The following PDS5B variants were observed in gnomAD, a reference collection of about 807,000 sequenced individuals.
The protein encoded by PDS5B is PDS5 cohesin associated factor B, also known as sister chromatid cohesion protein PDS5 homolog B.
PDS5B carries 51 observed loss-of-function variants against 184.1 expected under a neutral mutation model. That is an observed-to-expected ratio of 0.28 (90% CI 0.22 to 0.35). The LOEUF (loss-of-function observed/expected upper bound fraction) is 0.35, where lower values mean the gene tolerates loss of function less well. PDS5B is among the 10% of genes least tolerant of loss of function. PDS5B has a pLI of 1.00. For synonymous variants in PDS5B, 566 were observed against 569.2 expected (o/e 0.99, Z 0.08); for missense variants, 1,180 against 1,723.3 (o/e 0.68, Z 5.58).
chr13:32,766,408 A>G (rs1367941987), intron 31 of PDS5B, among the ~76,000 whole-genome samples: 2 of 152,216 alleles, frequency 1.3e-5, no homozygotes, highest in African/African-American at 4.8e-5. Context: ...GAGACCTATT[A>G]GTATGATTGT....
chr13:32,635,671 G>A (rs1409424983), intron 1 of PDS5B, among the ~76,000 whole-genome samples: 1 of 151,336 alleles, frequency 6.6e-6, no homozygotes, highest in Non-Finnish European at 1.5e-5. Flanking sequence ...CATTGTAGTC[G>A]CCTAATTAAG....
chr13:32,664,691 C>G (rs777319541), intron 6 of PDS5B, among the ~76,000 whole-genome samples: 1 of 151,974 alleles, frequency 6.6e-6, no homozygotes, highest in Non-Finnish European at 1.5e-5. Context: ...TGGCAAAACC[C>G]TGTCTCTAGA....
intron 1 of PDS5B, among the ~76,000 whole-genome samples, chr13:32,587,101 G>C (rs971023207): frequency 6.7e-6 from 1 of 148,508 alleles, no homozygotes. Flanking sequence ...ATCCTCCCGC[G>C]GGCGGGCTTC....
At chr13:32,744,107 A>G (rs546295349) in intron 23 of PDS5B, among the ~76,000 whole-genome samples, 5 of 152,282 alleles carry the variant, frequency 3.3e-5, no homozygotes, top group Non-Finnish European at 5.9e-5. Flanking sequence ...CACAGGTTCA[A>G]ACTGAGGTTC....
intron 1 of PDS5B, among the ~76,000 whole-genome samples, chr13:32,635,617 C>T (rs907688702): frequency 1.3e-5 from 2 of 151,998 alleles, no homozygotes; most frequent in African/African-American, 4.8e-5. Flanking sequence ...GCTGGGATTA[C>T]AGGCGTGAGC....
At chr13:32,699,672 A>G (rs1280728044) in intron 15 of PDS5B, 58 bp from the exon 16 acceptor site, 4 of 925,430 alleles carry the variant, frequency 4.3e-6, no homozygotes, top group South Asian at 2.7e-5. Context: ...ATATTGACCT[A>G]TTATTATTTT....
chr13:32,724,964 A>G (rs577945833), intron 19 of PDS5B, among the ~76,000 whole-genome samples: 3 of 152,126 alleles, frequency 2.0e-5, no homozygotes, highest in Non-Finnish European at 4.4e-5. Context: ...TTACAGGACT[A>G]TTTTATAAGA....
At chr13:32,707,603 G>GT (rs967793383) in intron 18 of PDS5B, among the ~76,000 whole-genome samples, 1,363 of 122,270 alleles carry the variant, frequency 0.011, 26 homozygotes, top group African/African-American at 0.037. Context: ...TTTTTCAAGA[G>GT]TTTTTTTTTT....
chr13:32,742,696 G>A lies in PDS5B; in HGVS notation c.2581G>A (p.Asp861Asn). 1 of 1,612,130 alleles carries A rather than the reference G, an allele frequency of 6.2e-7. No homozygotes were observed. Among genetic ancestry groups the A allele is most frequent in the Non-Finnish European group, 8.5e-7 (1 of 1,178,600 alleles). ...LRLLTTILHS[D>N]GDLTEQGKIS... is the part of the protein sequence containing the mutation. Reference sequence around the variant, plus strand: ...ATTGCTAACAACAATATTGCATAGTGATGGAGACTTGACAGAACAGGGGAA... The same window carrying A: ...ATTGCTAACAACAATATTGCATAGTAATGGAGACTTGACAGAACAGGGGAA... The change falls in exon 23 of 35, where the codon GAT (aspartate) becomes AAT (asparagine). Residue 861 changes from aspartate to asparagine, a missense_variant. By Grantham distance (23) the Asp-to-Asn change is conservative (BLOSUM62 1). This residue lies in a region of PDS5B where 475 missense variants were observed against 691.5 expected (regional missense o/e 0.69). Transcript: ENST00000315596.
At chr13:32,598,591 C>T (rs1450736026) in intron 1 of PDS5B, among the ~76,000 whole-genome samples, 3 of 152,070 alleles carry the variant, frequency 2.0e-5, no homozygotes, top group Admixed American at 2.0e-4. Flanking sequence ...CTGCCTTAGC[C>T]TCCTGGGTAG....
chr13:32,587,541 C>G (rs192173434), intron 1 of PDS5B, among the ~76,000 whole-genome samples: 3 of 152,350 alleles, frequency 2.0e-5, no homozygotes, highest in South Asian at 2.1e-4. Context: ...GACGTGAAAG[C>G]TAACTCTTAA....
Position 32,747,277 on chromosome 13 carries a change from C to T in PDS5B, c.2736+1177C>T, listed in dbSNP as rs544172096. Among the ~76,000 whole-genome samples the T allele has an allele frequency of 5.4e-4, 82 of 152,076 alleles. 1 individual carries two copies. Among genetic ancestry groups the T allele is most frequent in the South Asian group, 3.7e-3 (18 of 4,816 alleles). On this transcript the variant is annotated intron_variant, in intron 24 of 34. Transcript: ENST00000315596. Reference sequence around the variant, plus strand: ...TACACTTAGTTTTTCTCTTCTTTTCCAAGTAGTCTTAAGAATTTACTTCAG... The same window carrying T: ...TACACTTAGTTTTTCTCTTCTTTTCTAAGTAGTCTTAAGAATTTACTTCAG...
rs1324336468 is a variant in PDS5B at position 32,659,140 on chromosome 13, G to A, written c.498-14G>A. On this transcript the variant is annotated splice_polypyrimidine_tract_variant and intron_variant, in intron 5 of 34. Transcript: ENST00000315596. Reference sequence around the variant, plus strand: ...CTCAGTTGTAATTGAAACAAAATCTGTTTTGAATTGCAGCAATGGCCACAA... The same window carrying A: ...CTCAGTTGTAATTGAAACAAAATCTATTTTGAATTGCAGCAATGGCCACAA... 1.3e-6 allele frequency: 2 copies of A among 1,517,984 alleles called. No individual in the cohort carries two copies. Among genetic ancestry groups the A allele is most frequent in the Admixed American group, 3.5e-5 (2 of 56,706 alleles). The allele number at this position is 1,517,984 out of a possible 1,614,324, so 94.0% of individuals were successfully genotyped here. A position where few individuals can be genotyped will look rare whatever the true frequency, so the allele number is the denominator to read the frequency against.
intron 1 of PDS5B, among the ~76,000 whole-genome samples, chr13:32,600,142 A>T (rs1353262397): frequency 2.6e-5 from 4 of 152,186 alleles, no homozygotes; most frequent in African/African-American, 9.7e-5. Flanking sequence ...TTTATCTGCC[A>T]AGATTCCCCA....
intron 22 of PDS5B, 106 bp from the exon 23 acceptor site, chr13:32,742,485 T>A: frequency 1.1e-6 from 1 of 889,140 alleles, no homozygotes; most frequent in Non-Finnish European, 1.7e-6. Context: ...ATTTTTTCTT[T>A]TCTTAAAAAG....
chr13:32,697,443 T>C (rs1951738668), intron 15 of PDS5B, among the ~76,000 whole-genome samples: 1 of 152,206 alleles, frequency 6.6e-6, no homozygotes, highest in African/African-American at 2.4e-5. Context: ...CCTGGAGGAA[T>C]ACTTCTGCTG....
intron 6 of PDS5B, among the ~76,000 whole-genome samples, chr13:32,660,057 TA>T (rs1223796788): frequency 1.3e-5 from 2 of 152,120 alleles, no homozygotes; most frequent in Non-Finnish European, 2.9e-5. Context: ...ATATATTTAT[TA>T]AATAAAATCT....
chr13:32,622,656 T>A (rs1337943394), intron 1 of PDS5B, among the ~76,000 whole-genome samples: 1 of 152,214 alleles, frequency 6.6e-6, no homozygotes, highest in East Asian at 1.9e-4. Context: ...GGTGGACATG[T>A]TGGTTTGTCC....
intron 3 of PDS5B, among the ~76,000 whole-genome samples, chr13:32,658,029 A>G (rs1446844958): frequency 6.6e-6 from 1 of 152,310 alleles, no homozygotes; most frequent in African/African-American, 2.4e-5. Flanking sequence ...CAAATGATTT[A>G]CTGTTTTCCT....
Sources: gnomAD v4.1 joint callset for allele counts (sites outside exome capture counted in the v4.1 genomes callset) on GRCh38, gnomAD v4.1.1 for gene constraint, gnomAD v4.1.1 regional missense constraint, MANE v1.5 for transcripts, NCBI Gene and HGNC (gene_info 2026-07-23, HGNC 2026-07-21) for gene names.